The following KSR2 variants were observed in gnomAD, a reference collection of about 807,000 sequenced individuals.
KSR2 encodes the protein kinase suppressor of ras 2.
In KSR2, 25 loss-of-function variants were observed where a neutral mutation model predicts 107.8. The observed-to-expected ratio is 0.23, with a 90% CI of 0.17 to 0.32. KSR2 has a LOEUF of 0.32. KSR2 is among the 10% of genes least tolerant of loss of function. KSR2 has a pLI of 1.00. For synonymous variants in KSR2, 480 were observed against 507.0 expected (o/e 0.95, Z 0.71); for missense variants, 887 against 1,268.9 (o/e 0.70, Z 4.57).
rs1896857837 is a variant in KSR2, at chr12:117,968,291, C to T, written c.-36G>A. On this transcript the variant is annotated 5_prime_UTR_variant, in exon 1 of 20. Transcript: ENST00000339824. ...GCAACCCCCTTCCCCTCCTCCTCCT[C>T]CCAGAGAGAAAAAAGAGGGGGGGGA... 7.4e-7 allele frequency: 1 copy of T among 1,358,898 alleles called. No individual in the cohort carries two copies. The highest frequency in any genetic ancestry group is 2.0e-5 in the African/African-American group (1 of 50,548). The allele number at this position is 1,358,898 out of a possible 1,614,324, so 84.2% of individuals were successfully genotyped here.
intron 14 of KSR2, among the ~76,000 whole-genome samples, chr12:117,512,255 C>G (rs868675240): frequency 6.6e-6 from 1 of 152,212 alleles, no homozygotes; most frequent in African/African-American, 2.4e-5. Context: ...CTCTAAGCTG[C>G]TGACCACTCC....
chr12:117,500,589 T>G (rs1409362934), intron 14 of KSR2, among the ~76,000 whole-genome samples: 1 of 152,174 alleles, frequency 6.6e-6, no homozygotes, highest in Non-Finnish European at 1.5e-5. Context: ...TACTAGCATC[T>G]TATTCCTAAC....
At chr12:117,792,032 C>A (rs1048519425) in intron 3 of KSR2, among the ~76,000 whole-genome samples, 1 of 152,080 alleles carries the variant, frequency 6.6e-6, no homozygotes, top group Non-Finnish European at 1.5e-5. Flanking sequence ...GCAAAGGGAG[C>A]AATGATAAAG....
intron 1 of KSR2, among the ~76,000 whole-genome samples, chr12:117,955,898 T>C (rs1896498468): frequency 2.0e-5 from 3 of 151,700 alleles, no homozygotes; most frequent in Admixed American, 1.3e-4. Flanking sequence ...TTAATTTTAA[T>C]ATATTTTATT....
chr12:117,617,408 T>C (rs1204566318), intron 5 of KSR2, among the ~76,000 whole-genome samples: 1 of 152,234 alleles, frequency 6.6e-6, no homozygotes, highest in Non-Finnish European at 1.5e-5. Context: ...TTGACTTTTT[T>C]ATAATTTCTA....
chr12:117,925,532 C>A (rs934988978), intron 1 of KSR2, among the ~76,000 whole-genome samples: 6 of 152,272 alleles, frequency 3.9e-5, no homozygotes, highest in Admixed American at 1.3e-4. Context: ...AGTTTTTAAT[C>A]AATTACTGAG....
chr12:117,578,303 A>G (rs1162358605), intron 7 of KSR2, among the ~76,000 whole-genome samples: 1 of 152,008 alleles, frequency 6.6e-6, no homozygotes, highest in Non-Finnish European at 1.5e-5. Context: ...AAGGAGAGAA[A>G]GGCTTGGGAG....
At chr12:117,638,556 A>C (rs1368696216) in intron 5 of KSR2, among the ~76,000 whole-genome samples, 1 of 152,080 alleles carries the variant, frequency 6.6e-6, no homozygotes, top group South Asian at 2.1e-4. Context: ...ATACGATCTC[A>C]TTTCTATGAA....
At position 117,590,159 on chromosome 12, in the gene KSR2, C is replaced by T. The variant is rs543057904; in HGVS notation, c.1172-7800G>A. On this transcript the variant is annotated intron_variant, in intron 5 of 19. Transcript: ENST00000339824. ...AATGGCTAAGCTATTGAGACTATGG[C>T]CTCAGTTCCTGTCCACTGCAGGAAT... 5.3e-5 allele frequency among the ~76,000 whole-genome samples: 8 copies of T among 152,356 alleles called. No homozygotes were observed. In the East Asian group the frequency reaches 1.4e-3, roughly 26 times the overall value.
chr12:117,902,186 T>G (rs1313693240), intron 1 of KSR2, among the ~76,000 whole-genome samples: 1 of 152,112 alleles, frequency 6.6e-6, no homozygotes, highest in Admixed American at 6.5e-5. Flanking sequence ...TGGCCGGATG[T>G]GGTGGCTCAC....
intron 1 of KSR2, among the ~76,000 whole-genome samples, chr12:117,877,094 T>C (rs573520042): frequency 2.0e-5 from 3 of 152,316 alleles, no homozygotes; most frequent in Admixed American, 6.5e-5. Flanking sequence ...TTCCGATTAT[T>C]GGGAGGCCAA....
intron 14 of KSR2, among the ~76,000 whole-genome samples, chr12:117,488,704 T>TTC (rs1473400307): frequency 2.0e-5 from 3 of 151,350 alleles, no homozygotes; most frequent in Admixed American, 6.6e-5. Flanking sequence ...TTTTTTCTTT[T>TTC]TTTTTTTTTT....
chr12:117,546,641 C>G (rs897369436), intron 9 of KSR2, among the ~76,000 whole-genome samples: 1 of 152,182 alleles, frequency 6.6e-6, no homozygotes, highest in African/African-American at 2.4e-5. Context: ...CCCAAGGGTC[C>G]TTGATACTCT....
intron 5 of KSR2, among the ~76,000 whole-genome samples, chr12:117,587,132 G>A (rs550668481): frequency 1.3e-5 from 2 of 152,280 alleles, no homozygotes; most frequent in African/African-American, 4.8e-5. Context: ...GGGAAGTGAT[G>A]TAATAGCATA....
chr12:117,752,305 C>A (rs557023033), intron 4 of KSR2, among the ~76,000 whole-genome samples: 1 of 152,168 alleles, frequency 6.6e-6, no homozygotes, highest in Non-Finnish European at 1.5e-5. Context: ...AAACTACACA[C>A]GTCTGAACAC....
intron 1 of KSR2, among the ~76,000 whole-genome samples, chr12:117,947,944 G>A (rs967800335): frequency 5.3e-5 from 8 of 152,078 alleles, no homozygotes; most frequent in Admixed American, 3.9e-4. Context: ...TAGTTAATAT[G>A]TCAATCCTCC....
At chr12:117,582,438 G>C (rs1879725134) in intron 5 of KSR2, 79 bp from the exon 6 acceptor site, 9 of 1,072,502 alleles carry the variant, frequency 8.4e-6, no homozygotes, top group Non-Finnish European at 1.3e-5. Context: ...GAAGGAAAAG[G>C]GGGGCTCGTC....
At chr12:117,664,383 GCAGA>G (rs1271028100) in intron 5 of KSR2, among the ~76,000 whole-genome samples, 3 of 152,150 alleles carry the variant, frequency 2.0e-5, no homozygotes, top group Admixed American at 6.5e-5. Context: ...TTACAAACAG[GCAGA>G]CAGACTGAGC....
chr12:117,489,173 G>A (rs1259578193), intron 14 of KSR2, among the ~76,000 whole-genome samples: 3 of 152,010 alleles, frequency 2.0e-5, no homozygotes, highest in African/African-American at 4.8e-5. Context: ...TGTGGTGGGC[G>A]GGGGTGCTGG....
Sources: gnomAD v4.1 joint callset for allele counts (sites outside exome capture counted in the v4.1 genomes callset) on GRCh38, gnomAD v4.1.1 for gene constraint, MANE v1.5 for transcripts, NCBI Gene and HGNC (gene_info 2026-07-23, HGNC 2026-07-21) for gene names.